Variants in FRYL observed in about 807,000 individuals in gnomAD.
FRYL encodes the protein protein furry homolog-like.
A neutral mutation model predicts 351.2 loss-of-function variants in FRYL; 150 were observed. The ratio of observed to expected loss-of-function variants is 0.43; its 90% confidence interval spans 0.37 to 0.49. The LOEUF is 0.49. Among genes scored for constraint, FRYL ranks in the 20% least tolerant of loss-of-function variants. FRYL has a pLI of 0.00. For synonymous variants in FRYL, 1,153 were observed against 1,257.1 expected, an observed-to-expected ratio of 0.92 and a Z score of 1.75; for missense variants, 3,036 against 3,619.3, an observed-to-expected ratio of 0.84 and a Z score of 4.13.
At chr4:48,500,330 T>C (rs1487308624) in intron 62 of FRYL, 110 bp from the exon 63 acceptor site, 17 of 592,656 alleles carry the variant, frequency 2.9e-5, no homozygotes, top group Non-Finnish European at 4.7e-5. Flanking sequence ...TTAAAGATTA[T>C]TTTAAAATGT....
intron 3 of FRYL, among the ~76,000 whole-genome samples, chr4:48,652,733 A>T (rs989802851): frequency 6.6e-6 from 1 of 152,220 alleles, no homozygotes; most frequent in African/African-American, 2.4e-5. Context: ...TGCTTAAAAA[A>T]CAAAACTACA....
intron 1 of FRYL, among the ~76,000 whole-genome samples, chr4:48,745,056 A>C (rs1446148501): frequency 6.6e-6 from 1 of 152,222 alleles, no homozygotes; most frequent in Non-Finnish European, 1.5e-5. Flanking sequence ...TCAAAAAGCT[A>C]GGCTGGAATT....
chr4:48,532,499 A>G (rs1406243874), intron 49 of FRYL, among the ~76,000 whole-genome samples: 1 of 152,170 alleles, frequency 6.6e-6, no homozygotes, highest in East Asian at 1.9e-4. Context: ...CTCTACTAAA[A>G]ATACAAAAAT....
intron 1 of FRYL, among the ~76,000 whole-genome samples, chr4:48,711,080 A>C (rs1282596156): frequency 6.6e-6 from 1 of 152,140 alleles, no homozygotes; most frequent in Admixed American, 6.5e-5. Flanking sequence ...TGCTGGGGGG[A>C]GGAGCCAAGA....
intron 19 of FRYL, among the ~76,000 whole-genome samples, chr4:48,583,714 C>A (rs747127512): frequency 4.6e-4 from 70 of 151,780 alleles, no homozygotes; most frequent in Non-Finnish European, 1.3e-4. Flanking sequence ...ACCAGCCTGG[C>A]CAACATGATG....
chr4:48,674,370 A>C (rs1343144796), intron 3 of FRYL, among the ~76,000 whole-genome samples: 2 of 152,206 alleles, frequency 1.3e-5, no homozygotes, highest in Non-Finnish European at 2.9e-5. Flanking sequence ...ATACAAAAAA[A>C]CAGTCTAAGG....
chr4:48,679,892 A>G (rs1290966802), intron 3 of FRYL, among the ~76,000 whole-genome samples: 1 of 152,082 alleles, frequency 6.6e-6, no homozygotes, highest in Non-Finnish European at 1.5e-5. Context: ...GTATGAAGTG[A>G]TATATCAATG....
In FRYL at chr4:48,626,949, G is replaced by A. The variant is rs1338599676; in HGVS notation, c.121-3770C>T. Among the ~76,000 whole-genome samples, 5 of 152,076 alleles carry A rather than the reference G, an allele frequency of 3.3e-5. No homozygotes were observed. In the East Asian group the frequency reaches 9.6e-4, roughly 29 times the overall value. On this transcript the variant is annotated intron_variant, in intron 4 of 63. Coordinates refer to ENST00000358350, the MANE Select transcript of FRYL (RefSeq NM_015030.2). ...CTTAATAAGGTGAGATTTGGGGAAC[G>A]TCTTTAGTACTCGGGTCTCTGGGGT...
At chr4:48,575,936 GTTACT>G in intron 24 of FRYL, 89 bp downstream of exon 24, 1 of 1,008,008 alleles carries the variant, frequency 9.9e-7, no homozygotes, top group Non-Finnish European at 1.4e-6. Context: ...TTTCAACTGA[GTTACT>G]TTATTGTCCA....
intron 18 of FRYL, 122 bp downstream of exon 18, chr4:48,589,623 C>T: frequency 1.1e-6 from 1 of 890,508 alleles, no homozygotes; most frequent in Non-Finnish European, 1.7e-6. Flanking sequence ...GTATTGAAAA[C>T]TGCAGCAGAT....
At chr4:48,606,695 A>C (rs953719150) in intron 9 of FRYL, 89 bp from the exon 10 acceptor site, 51 of 988,772 alleles carry the variant, frequency 5.2e-5, no homozygotes, top group South Asian at 3.9e-4. Flanking sequence ...AAGGTATGCT[A>C]CCTAAATATC....
At chr4:48,581,709 G>C (rs1276687418) in intron 20 of FRYL, 104 bp from the exon 21 acceptor site, 38 of 901,348 alleles carry the variant, frequency 4.2e-5, no homozygotes, top group Non-Finnish European at 6.1e-5. Flanking sequence ...TATGACTACC[G>C]GTCTGCCTCA....
chr4:48,690,299 G>A (rs1765570457), intron 2 of FRYL, among the ~76,000 whole-genome samples: 1 of 151,822 alleles, frequency 6.6e-6, no homozygotes, highest in Admixed American at 6.6e-5. Context: ...TCAATAGAAT[G>A]TTTTCTGTTT....
Position 48,500,017 on chromosome 4 carries a change from C to G in FRYL, c.8783+13G>C. 6.5e-7 allele frequency: 1 copy of G among 1,546,998 alleles called. No homozygotes were observed. The highest frequency in any genetic ancestry group is 1.2e-5 in the South Asian group (1 of 81,576). ...ATTTAAAGGCATCACCTTTAAATCC[C>G]GTCACGTTTTACCTGAAAGCTTTGA... is the stretch of plus-strand genomic sequence containing the variant. On this transcript the variant is annotated intron_variant, in intron 63 of 63. Coordinates refer to ENST00000358350, the MANE Select transcript of FRYL (RefSeq NM_015030.2).
intron 1 of FRYL, among the ~76,000 whole-genome samples, chr4:48,736,850 GAA>G (rs368006420): frequency 1.5e-4 from 6 of 40,614 alleles, no homozygotes; most frequent in Admixed American, 3.8e-4. Context: ...ACTCTGTCTC[GAA>G]AAAAAAAAAA....
intron 7 of FRYL, among the ~76,000 whole-genome samples, chr4:48,610,850 AATATGTATATATCACAATTTG>A (rs1329045269): frequency 1.3e-5 from 2 of 150,104 alleles, no homozygotes; most frequent in East Asian, 1.9e-4. Flanking sequence ...ATATACACTC[AATATGTATATATCACAATTTG>A]ATATGTATAT....
At chr4:48,568,265 A>T (rs1240875182) in intron 27 of FRYL, among the ~76,000 whole-genome samples, 1 of 152,226 alleles carries the variant, frequency 6.6e-6, no homozygotes, top group Non-Finnish European at 1.5e-5. Flanking sequence ...AGAAAGATGT[A>T]TCTGCAATGA....
chr4:48,547,623 T>G lies in FRYL; in HGVS notation c.5035A>C (p.Thr1679Pro), dbSNP rs754769310. Residue 1679 changes from threonine (T) to proline (P), a missense_variant, in exon 41 of 64, where the codon ACA (threonine) becomes CCA (proline). By Grantham distance (38) the Thr-to-Pro change is conservative (BLOSUM62 -1). Around this residue, in one of 7 missense-constraint regions of FRYL, gnomAD observed 1,987 missense variants for 2,311.7 expected, o/e 0.86. Coordinates refer to ENST00000358350, the MANE Select transcript of FRYL (RefSeq NM_015030.2). The stretch of plus-strand genomic sequence containing the variant: ...TCTAAGTGTGCAACTTGTTTGACTG[T>G]AAGCACCCTGGGCTCATTAAACTCC... ...NKEFNEPRVL[T>P]VKQVAHLDYN... is the part of the protein sequence containing the mutation. 1 of 1,589,600 alleles carries G rather than the reference T, an allele frequency of 6.3e-7. No homozygotes were observed. The highest frequency in any genetic ancestry group is 1.2e-5 in the South Asian group (1 of 86,700).
chr4:48,516,760 A>T (rs1381456662), intron 55 of FRYL, among the ~76,000 whole-genome samples: 1 of 152,240 alleles, frequency 6.6e-6, no homozygotes, highest in African/African-American at 2.4e-5. Flanking sequence ...GGGTTAGGCT[A>T]GTAAGTGAAT....
Sources: allele counts gnomAD v4.1 joint callset (sites outside exome capture counted in the v4.1 genomes callset), GRCh38; gene constraint gnomAD v4.1.1; regional missense constraint gnomAD v4.1.1; transcripts MANE v1.5; gene names NCBI Gene and HGNC (gene_info 2026-07-23, HGNC 2026-07-21).